The following GRIA4 variants were observed in gnomAD, a reference collection of about 807,000 sequenced individuals.
GRIA4 encodes the protein glutamate receptor 4.
GRIA4 carries 34 observed loss-of-function variants against 104.0 expected under a neutral mutation model. The observed-to-expected ratio is 0.33, with a 90% CI of 0.25 to 0.44. The LOEUF (loss-of-function observed/expected upper bound fraction) is 0.44, where lower values mean the gene tolerates loss of function less well. Among genes scored for constraint, GRIA4 ranks in the 20% least tolerant of loss-of-function variants. The probability of loss-of-function intolerance (pLI) is 1.00; values close to 1 mark genes in which losing one functional copy is unlikely to be tolerated. For synonymous variants in GRIA4, 386 were observed against 381.9 expected (o/e 1.01, Z -0.13); for missense variants, 750 against 1,096.5 (o/e 0.68, Z 4.46).
intron 4 of GRIA4, among the ~76,000 whole-genome samples, chr11:105,830,961 TACACACACGCACACACAC>T (rs1410468406): frequency 6.6e-6 from 1 of 151,602 alleles, no homozygotes; most frequent in Non-Finnish European, 1.5e-5. Context: ...AGGTGAATTA[TACACACACGCACACACAC>T]ACACACACAC....
At chr11:105,640,838 T>A (rs1951338821) in intron 3 of GRIA4, among the ~76,000 whole-genome samples, 1 of 152,042 alleles carries the variant, frequency 6.6e-6, no homozygotes, top group Admixed American at 6.6e-5. Flanking sequence ...ATTATTTTCA[T>A]TTTGTTTGGC....
intron 5 of GRIA4, among the ~76,000 whole-genome samples, chr11:105,873,053 T>C (rs547662727): frequency 6.6e-6 from 1 of 152,226 alleles, no homozygotes; most frequent in Non-Finnish European, 1.5e-5. Flanking sequence ...TAGGTATTTC[T>C]TCTAATGCTA....
chr11:105,878,633 G>A (rs1945927128), intron 5 of GRIA4, among the ~76,000 whole-genome samples: 1 of 152,212 alleles, frequency 6.6e-6, no homozygotes, highest in African/African-American at 2.4e-5. Context: ...AGAATCTAGA[G>A]AGGGAGTCTG....
chr11:105,890,622 A>T (rs539431838), intron 6 of GRIA4, among the ~76,000 whole-genome samples: 5 of 152,274 alleles, frequency 3.3e-5, no homozygotes, highest in African/African-American at 1.2e-4. Context: ...ATTGCAGTGT[A>T]CTGGCATCTC....
intron 14 of GRIA4, among the ~76,000 whole-genome samples, chr11:105,948,418 A>T (rs1431928717): frequency 6.6e-6 from 1 of 152,114 alleles, no homozygotes; most frequent in Non-Finnish European, 1.5e-5. Flanking sequence ...GGTGAGTTAA[A>T]TACATATTAA....
At chr11:105,828,133 T>C (rs1943843398) in intron 4 of GRIA4, among the ~76,000 whole-genome samples, 1 of 152,010 alleles carries the variant, frequency 6.6e-6, no homozygotes, top group East Asian at 1.9e-4. Context: ...ATTAAATCAG[T>C]TTAGTCATTT....
chr11:105,715,440 T>G (rs892101429), intron 3 of GRIA4, among the ~76,000 whole-genome samples: 1 of 152,164 alleles, frequency 6.6e-6, no homozygotes, highest in African/African-American at 2.4e-5. Flanking sequence ...CCTTTTTGTT[T>G]TGATGACCAA....
chr11:105,774,569 A>AG (rs1393611730), intron 4 of GRIA4, among the ~76,000 whole-genome samples: 3 of 152,150 alleles, frequency 2.0e-5, no homozygotes, highest in Non-Finnish European at 4.4e-5. Flanking sequence ...AAAGATGTAA[A>AG]GGCATATTGG....
chr11:105,951,649 T>C (rs1175618586), intron 14 of GRIA4, among the ~76,000 whole-genome samples: 1 of 152,218 alleles, frequency 6.6e-6, no homozygotes, highest in Non-Finnish European at 1.5e-5. Context: ...TTTCACATTT[T>C]TTTTTAAATT....
intron 4 of GRIA4, among the ~76,000 whole-genome samples, chr11:105,822,184 G>A (rs1021247556): frequency 2.6e-5 from 4 of 152,088 alleles, no homozygotes; most frequent in African/African-American, 9.7e-5. Context: ...ATAATTTCAT[G>A]ACTGGCATGC....
intron 5 of GRIA4, among the ~76,000 whole-genome samples, chr11:105,882,791 G>A (rs1946112493): frequency 6.6e-6 from 1 of 152,124 alleles, no homozygotes; most frequent in Non-Finnish European, 1.5e-5. Context: ...GTATAGGTAG[G>A]AAGTACTCCA....
At chr11:105,869,697 T>C (rs141325956) in intron 5 of GRIA4, among the ~76,000 whole-genome samples, 3 of 152,206 alleles carry the variant, frequency 2.0e-5, no homozygotes, top group Admixed American at 1.3e-4. Flanking sequence ...TTATACAGTA[T>C]TTATATTAAA....
chr11:105,694,841 C>T (rs985205915), intron 3 of GRIA4, among the ~76,000 whole-genome samples: 3 of 152,106 alleles, frequency 2.0e-5, no homozygotes, highest in Non-Finnish European at 4.4e-5. Flanking sequence ...ATTACACTAG[C>T]CACATTTCAA....
rs78885228 is a variant in GRIA4 at position 105,813,234 on chromosome 11, G to C, written c.488-48790G>C. Among the ~76,000 whole-genome samples the C allele has an allele frequency of 8.0e-3, 1,212 of 152,134 alleles. 16 individuals are homozygous for C. The highest frequency in any genetic ancestry group is 0.028 in the African/African-American group (1,175 of 41,514). ...TTTTTATAAGGGTAGAGGGAAATGG[G>C]GGAAGGAAGAGGAATCATAAAACTA... On this transcript the variant is annotated intron_variant, in intron 4 of 16. Coordinates refer to ENST00000282499, the MANE Select transcript of GRIA4 (RefSeq NM_000829.4).
intron 3 of GRIA4, among the ~76,000 whole-genome samples, chr11:105,671,120 G>A (rs1485469458): frequency 2.0e-5 from 3 of 152,098 alleles, no homozygotes; most frequent in Non-Finnish European, 4.4e-5. Flanking sequence ...GGTAATACCA[G>A]ATAATTTTCC....
rs1859230109 is a variant in GRIA4 at position 105,980,954 on chromosome 11, T to C, written c.*1215T>C. ...TCCTAACAACAACATACCTTGTAAT[T>C]GTGTGTTGAAATTTTACTTGACTGT... On this transcript the variant is annotated 3_prime_UTR_variant, in exon 17 of 17. Coordinates refer to ENST00000282499, the MANE Select transcript of GRIA4 (RefSeq NM_000829.4). 6.6e-6 allele frequency: 1 copy of C among 152,586 alleles called. No individual in the cohort carries two copies. 9.5% of individuals were successfully genotyped at this position (152,586 alleles called of 1,614,324 possible).
At chr11:105,647,608 C>G (rs949478598) in intron 3 of GRIA4, among the ~76,000 whole-genome samples, 5 of 152,164 alleles carry the variant, frequency 3.3e-5, no homozygotes, top group Admixed American at 6.5e-5. Context: ...GAAAACTATA[C>G]AGCCATAAGA....
At chr11:105,750,261 T>C (rs1939922258) in intron 3 of GRIA4, among the ~76,000 whole-genome samples, 1 of 152,138 alleles carries the variant, frequency 6.6e-6, no homozygotes, top group Non-Finnish European at 1.5e-5. Context: ...ATTGAATATT[T>C]GCCTGACAAT....
intron 10 of GRIA4, 54 bp from the exon 11 acceptor site, chr11:105,918,658 G>GT (rs1044085885): frequency 2.3e-6 from 2 of 879,436 alleles, no homozygotes; most frequent in South Asian, 2.9e-5. Flanking sequence ...GTTACATAAG[G>GT]TTTTTCAAAT....
Sources: gnomAD v4.1 joint callset for allele counts (sites outside exome capture counted in the v4.1 genomes callset) on GRCh38, gnomAD v4.1.1 for gene constraint, MANE v1.5 for transcripts, NCBI Gene and HGNC (gene_info 2026-07-23, HGNC 2026-07-21) for gene names.